The following MERTK variants were observed in gnomAD, a reference collection of about 807,000 sequenced individuals.
MERTK encodes tyrosine-protein kinase Mer.
Under a neutral mutation model 99.3 loss-of-function variants are expected in MERTK, and 69 were observed. The observed-to-expected ratio is 0.70, with a 90% confidence interval of 0.57 to 0.85. The LOEUF (loss-of-function observed/expected upper bound fraction) is 0.85, where lower values mean the gene tolerates loss of function less well. Ranked by LOEUF, MERTK falls within the 40% of genes least tolerant of loss-of-function variation. MERTK has a pLI of 0.00. For synonymous variants in MERTK, 426 were observed against 467.6 expected, an observed-to-expected ratio of 0.91 and a Z score of 1.15; for missense variants, 1,125 against 1,249.4, an observed-to-expected ratio of 0.90 and a Z score of 1.50.
At position 112,010,060 on chromosome 2, in the gene MERTK, A is replaced by T. The variant is rs1295856645; in HGVS notation, c.2073A>T (p.Gly691=). 1.2e-6 allele frequency: 2 copies of T among 1,601,366 alleles called. No individual in the cohort carries two copies. The highest frequency in any genetic ancestry group is 8.6e-7 in the Non-Finnish European group (1 of 1,168,698). ...TACTTTATTCCCGATTGGAGACAGG[A>T]CCAAAGGTAATGATCTCCTTGTGTT... ...TYLLYSRLET[G]PKHIPLQTLL... Residue 691 remains glycine, a synonymous_variant, in exon 15 of 19, where the codon GGA becomes GGT. Transcript: ENST00000295408.
chr2:111,913,883 G>A (rs1016777180), intron 1 of MERTK, among the ~76,000 whole-genome samples: 3 of 152,120 alleles, frequency 2.0e-5, no homozygotes, highest in Admixed American at 6.5e-5. Context: ...AATCATATCT[G>A]CAAGTAGCAA....
At chr2:111,982,046 C>T (rs571210071) in intron 7 of MERTK, among the ~76,000 whole-genome samples, 1 of 151,914 alleles carries the variant, frequency 6.6e-6, no homozygotes, top group South Asian at 2.1e-4. Flanking sequence ...ACTTTAGGTG[C>T]TCATGAAATT....
chr2:111,964,614 C>A (rs1413990801), intron 4 of MERTK, among the ~76,000 whole-genome samples: 1 of 152,178 alleles, frequency 6.6e-6, no homozygotes, highest in East Asian at 1.9e-4. Flanking sequence ...AAGATGTCTT[C>A]AAACCTCTGA....
At position 111,964,398 on chromosome 2, in the gene MERTK, T is replaced by TGTGC. The variant is rs771063715; in HGVS notation, c.758-792_758-791insTGCG. Among the ~76,000 whole-genome samples the TGTGC allele has an allele frequency of 4.9e-3, 400 of 81,120 alleles. 2 individuals carry two copies. Among genetic ancestry groups the TGTGC allele is most frequent in the Middle Eastern group, 7.6e-3 (1 of 132 alleles). 53.2% of individuals were successfully genotyped at this position (81,120 alleles called of 152,430 possible). A position where few individuals can be genotyped will look rare whatever the true frequency, so the allele number is the denominator to read the frequency against. ...GTGTGTGTGTGTGTGTGTGTGTGTGTGCGCGCGCGCACGCGCATGTGTGTG... is the reference window on the plus strand; with the variant it reads ...GTGTGTGTGTGTGTGTGTGTGTGTGTGTGCGCGCGCGCGCACGCGCATGTGTGTG... On this transcript the variant is annotated intron_variant, in intron 4 of 18. Transcript: ENST00000295408.
chr2:111,982,926 C>T lies in MERTK; in HGVS notation c.1229C>T (p.Thr410Ile), dbSNP rs3761698. Residue 410 changes from threonine (T) to isoleucine (I), a missense_variant, in exon 8 of 19, where the codon ACT becomes ATT. Transcript: ENST00000295408. ...GACATCAGATGGATGAAGCCTCCGA[C>T]TAAGCAGCAGGATGGAGAACTGGTG... ...NVDIRWMKPP[T>I]KQQDGELVGY... 1.7e-5 allele frequency: 28 copies of T among 1,614,146 alleles called. No homozygotes were observed. In the East Asian group the frequency reaches 5.8e-4, roughly 33 times the overall value.
At chr2:111,995,337 C>T (rs1676713352) in intron 9 of MERTK, 3 of 181,848 alleles carry the variant, frequency 1.6e-5, no homozygotes, top group African/African-American at 7.2e-5. Context: ...ATGGAGCCAC[C>T]TTTGTTTGAC....
chr2:111,910,145 GTC>G (rs1201501849), intron 1 of MERTK, among the ~76,000 whole-genome samples: 1 of 152,148 alleles, frequency 6.6e-6, no homozygotes, highest in Non-Finnish European at 1.5e-5. Context: ...CATGCCTATG[GTC>G]ATAGCTGCTC....
intron 1 of MERTK, among the ~76,000 whole-genome samples, chr2:111,919,821 C>T (rs1684421430): frequency 6.9e-6 from 1 of 143,948 alleles, no homozygotes; most frequent in African/African-American, 2.6e-5. Context: ...TTTTTTGAGC[C>T]AAAAGGAATG....
intron 8 of MERTK, among the ~76,000 whole-genome samples, chr2:111,989,126 T>C (rs1676555186): frequency 1.3e-5 from 2 of 152,142 alleles, no homozygotes; most frequent in South Asian, 4.1e-4. Context: ...CCTGGCTTTC[T>C]TCATAATACA....
intron 4 of MERTK, among the ~76,000 whole-genome samples, chr2:111,958,656 T>G (rs1431253420): frequency 6.6e-6 from 1 of 152,170 alleles, no homozygotes; most frequent in Non-Finnish European, 1.5e-5. Flanking sequence ...TGCTATAGAT[T>G]GTTTTTTTGA....
chr2:111,907,152 C>T (rs538947481), intron 1 of MERTK, among the ~76,000 whole-genome samples: 56 of 152,244 alleles, frequency 3.7e-4, no homozygotes, highest in Admixed American at 7.2e-4. Flanking sequence ...CGGTGGCTCA[C>T]GCCTGTAATC....
At chr2:111,967,807 G>A (rs2104725007) in intron 5 of MERTK, among the ~76,000 whole-genome samples, 1 of 152,280 alleles carries the variant, frequency 6.6e-6, no homozygotes, top group South Asian at 2.1e-4. Context: ...CCAGCCAGGT[G>A]CACACAGTAG....
chr2:112,024,741 C>G (rs998252473), intron 18 of MERTK: 1 of 152,434 alleles, frequency 6.6e-6, no homozygotes, highest in East Asian at 1.9e-4. Context: ...TCAGCCTGGG[C>G]AACACAGTGA....
At chr2:111,931,719 G>A (rs1684676073) in intron 2 of MERTK, among the ~76,000 whole-genome samples, 1 of 151,924 alleles carries the variant, frequency 6.6e-6, no homozygotes, top group South Asian at 2.1e-4. Context: ...TGAATGAGGA[G>A]TAGTTTAAAG....
At chr2:111,995,175 T>G (rs1338979325) in intron 9 of MERTK, 2 of 155,544 alleles carry the variant, frequency 1.3e-5, no homozygotes, top group Non-Finnish European at 2.9e-5. Flanking sequence ...ATGAAATATT[T>G]CCTATGGAAG....
rs749475853 is a variant in MERTK, at chr2:112,028,387, C to G, written c.2523C>G (p.Pro841=). The G allele has an allele frequency of 1.2e-6, 2 of 1,614,186 alleles. No individual in the cohort carries two copies. The highest frequency in any genetic ancestry group is 8.5e-7 in the Non-Finnish European group (1 of 1,180,038). Reference sequence around the variant, plus strand: ...TGTACTCTTGCTGGAGAACCGATCCCTTAGACCGCCCCACCTTTTCAGTAT... The same window carrying G: ...TGTACTCTTGCTGGAGAACCGATCCGTTAGACCGCCCCACCTTTTCAGTAT... ...EIMYSCWRTD[P]LDRPTFSVLR... Residue 841 remains proline, a synonymous_variant, in exon 19 of 19, where the codon CCC becomes CCG. Transcript: ENST00000295408.
chr2:111,975,498 A>G, intron 7 of MERTK, 26 bp downstream of exon 7: 2 of 1,608,296 alleles, frequency 1.2e-6, no homozygotes, highest in Non-Finnish European at 1.7e-6. Context: ...CAGAATGTAT[A>G]TTGCCCCCAA....
intron 3 of MERTK, among the ~76,000 whole-genome samples, 193 bp downstream of exon 3, chr2:111,945,253 T>C (rs1186358249): frequency 6.6e-6 from 1 of 152,206 alleles, no homozygotes; most frequent in Non-Finnish European, 1.5e-5. Flanking sequence ...TGAAATGAAT[T>C]CAATTCCTGA....
intron 3 of MERTK, 45 bp downstream of exon 3, chr2:111,945,105 T>C (rs1040065635): frequency 6.9e-7 from 1 of 1,442,056 alleles, no homozygotes; most frequent in Non-Finnish European, 9.7e-7. Context: ...ACTGTTTGTT[T>C]TAGGGCCTGT....
Sources: allele counts gnomAD v4.1 joint callset (sites outside exome capture counted in the v4.1 genomes callset), GRCh38; gene constraint gnomAD v4.1.1; transcripts MANE v1.5; gene names NCBI Gene and HGNC (gene_info 2026-07-23, HGNC 2026-07-21).